Variants in ZNF804B observed in about 807,000 individuals in gnomAD.
ZNF804B encodes zinc finger 804B.
ZNF804B carries 80 observed loss-of-function variants against 101.4 expected under a neutral mutation model. That is an observed-to-expected ratio of 0.79 (90% CI 0.66 to 0.95). The LOEUF is 0.95. Ranked by LOEUF, ZNF804B falls within the 40% of genes least tolerant of loss-of-function variation. ZNF804B has a pLI of 0.00. For missense variants in ZNF804B, 1,673 were observed against 1,561.9 expected (o/e 1.07, Z -1.20); for synonymous variants, 622 against 558.8 (o/e 1.11, Z -1.59).
At chr7:89,051,196 G>C (rs1173232296) in intron 1 of ZNF804B, among the ~76,000 whole-genome samples, 3 of 151,938 alleles carry the variant, frequency 2.0e-5, no homozygotes, top group African/African-American at 7.2e-5. Flanking sequence ...AGGTGTGTGT[G>C]CATGTATACA....
chr7:89,056,836 G>A (rs1466286912), intron 1 of ZNF804B, among the ~76,000 whole-genome samples: 1 of 152,064 alleles, frequency 6.6e-6, no homozygotes, highest in Non-Finnish European at 1.5e-5. Flanking sequence ...TAAGACTCTG[G>A]GTTGCAACAG....
chr7:89,017,847 T>G (rs1018749326), intron 1 of ZNF804B, among the ~76,000 whole-genome samples: 20 of 152,252 alleles, frequency 1.3e-4, no homozygotes, highest in African/African-American at 4.8e-4. Flanking sequence ...ATTATGTTGA[T>G]TTTTGTTGGT....
chr7:89,322,421 G>A (rs1321958702), intron 2 of ZNF804B, among the ~76,000 whole-genome samples: 1 of 152,016 alleles, frequency 6.6e-6, no homozygotes, highest in African/African-American at 2.4e-5. Context: ...ATAGAAATTA[G>A]TAACAATAAG....
intron 1 of ZNF804B, among the ~76,000 whole-genome samples, chr7:88,879,871 T>C (rs1479622560): frequency 6.6e-6 from 1 of 151,864 alleles, no homozygotes; most frequent in Non-Finnish European, 1.5e-5. Flanking sequence ...AAACCCCGTT[T>C]CTCCAAAAAA....
chr7:89,315,577 G>T (rs1261125235), intron 2 of ZNF804B, among the ~76,000 whole-genome samples: 1 of 151,960 alleles, frequency 6.6e-6, no homozygotes, highest in Non-Finnish European at 1.5e-5. Flanking sequence ...ATATATTGTT[G>T]ATTTTTATAT....
intron 1 of ZNF804B, among the ~76,000 whole-genome samples, chr7:89,188,849 G>T (rs1274933598): frequency 6.6e-6 from 1 of 152,084 alleles, no homozygotes; most frequent in Non-Finnish European, 1.5e-5. Context: ...CTAGGAGAGG[G>T]TAGTTCATGA....
At chr7:89,288,430 A>G (rs1365336488) in intron 2 of ZNF804B, among the ~76,000 whole-genome samples, 2 of 152,206 alleles carry the variant, frequency 1.3e-5, no homozygotes, top group African/African-American at 2.4e-5. Flanking sequence ...CCATCAAAAC[A>G]ATAAATACAG....
chr7:89,280,039 A>G (rs1181623474), intron 2 of ZNF804B, among the ~76,000 whole-genome samples: 1 of 152,152 alleles, frequency 6.6e-6, no homozygotes, highest in Non-Finnish European at 1.5e-5. Context: ...GTAAAAGAAC[A>G]GAAATTATAA....
intron 1 of ZNF804B, among the ~76,000 whole-genome samples, chr7:89,170,939 A>C (rs1222778328): frequency 2.6e-5 from 4 of 152,168 alleles, no homozygotes; most frequent in African/African-American, 9.7e-5. Context: ...TTCACCTCTC[A>C]GCCCCAAAAC....
intron 1 of ZNF804B, among the ~76,000 whole-genome samples, chr7:88,933,329 A>G (rs943841721): frequency 1.8e-4 from 27 of 152,094 alleles, no homozygotes; most frequent in African/African-American, 6.5e-4. Context: ...ACAAACCAAC[A>G]TCATATTGAA....
intron 1 of ZNF804B, among the ~76,000 whole-genome samples, chr7:88,832,536 T>TTTTG (rs1026945791): frequency 6.6e-6 from 1 of 151,992 alleles, no homozygotes; most frequent in Non-Finnish European, 1.5e-5. Flanking sequence ...GGGAGCTATT[T>TTTTG]TTTGTTTGTT....
chr7:88,815,502 A>T (rs984059614), intron 1 of ZNF804B, among the ~76,000 whole-genome samples: 1 of 151,014 alleles, frequency 6.6e-6, no homozygotes, highest in Admixed American at 6.6e-5. Flanking sequence ...TTATTATGAT[A>T]TATAATGTCC....
intron 2 of ZNF804B, among the ~76,000 whole-genome samples, chr7:89,313,320 A>G (rs1165925652): frequency 6.6e-6 from 1 of 152,234 alleles, no homozygotes; most frequent in African/African-American, 2.4e-5. Context: ...ACATTAACAC[A>G]TGGAAATTAT....
chr7:89,118,256 C>T (rs546122057), intron 1 of ZNF804B, among the ~76,000 whole-genome samples: 17 of 152,222 alleles, frequency 1.1e-4, no homozygotes, highest in Non-Finnish European at 2.2e-4. Flanking sequence ...AGTTAAATAT[C>T]GCCTCCTTGG....
intron 1 of ZNF804B, among the ~76,000 whole-genome samples, chr7:88,954,629 G>A (rs1204250014): frequency 6.6e-6 from 1 of 150,802 alleles, no homozygotes; most frequent in Non-Finnish European, 1.5e-5. Context: ...CAATCACATT[G>A]TACTCCAAAA....
rs201914536 is a variant in ZNF804B, at chr7:89,265,290, G to GCA, written c.249+46995_249+46996insCA. ...AGTGTGTGTGTGTGTGTGTGTGTGTGTGTGCGCGTGCGCGCGCGCACACAT... is the reference window on the plus strand; with the variant it reads ...AGTGTGTGTGTGTGTGTGTGTGTGTGCATGTGCGCGTGCGCGCGCGCACACAT... On this transcript the variant is annotated intron_variant, in intron 2 of 3. Coordinates refer to ENST00000333190, the MANE Select transcript of ZNF804B (RefSeq NM_181646.5). 3.3e-4 allele frequency among the ~76,000 whole-genome samples: 27 copies of GCA among 81,992 alleles called. No individual in the cohort carries two copies. The East Asian group carries it at 7.4e-3, about 22-fold the overall frequency. 53.8% of individuals were successfully genotyped at this position (81,992 alleles called of 152,430 possible). A position where few individuals can be genotyped will look rare whatever the true frequency, so the allele number is the denominator to read the frequency against.
rs992930429 is a variant in ZNF804B, at chr7:88,980,990, G to A, written c.108+220906G>A. On this transcript the variant is annotated intron_variant, in intron 1 of 3. Transcript: ENST00000333190. ...GTGGAAACTTAGGAATCTACTTGGC[G>A]CTCTGTTCTGCAACTGAGCTGACAC... 3.3e-5 allele frequency among the ~76,000 whole-genome samples: 5 copies of A among 151,978 alleles called. No homozygotes were observed. In the South Asian group the frequency reaches 6.2e-4, roughly 19 times the overall value.
At chr7:89,301,400 T>C (rs1790472379) in intron 2 of ZNF804B, among the ~76,000 whole-genome samples, 1 of 151,630 alleles carries the variant, frequency 6.6e-6, no homozygotes, top group Admixed American at 6.6e-5. Context: ...AAACTCACCC[T>C]GTGAACCCTA....
chr7:88,968,689 C>A (rs1331589290), intron 1 of ZNF804B, among the ~76,000 whole-genome samples: 1 of 151,502 alleles, frequency 6.6e-6, no homozygotes, highest in Non-Finnish European at 1.5e-5. Context: ...TGTAAGGAGA[C>A]TTTTCAGATA....
Sources: allele counts gnomAD v4.1 joint callset (sites outside exome capture counted in the v4.1 genomes callset), GRCh38; gene constraint gnomAD v4.1.1; transcripts MANE v1.5; gene names NCBI Gene and HGNC (gene_info 2026-07-23, HGNC 2026-07-21).